WDR62: variants seen among roughly 807,000 people sequenced by gnomAD.
WDR62 encodes WD repeat-containing protein 62.
In WDR62, 112 loss-of-function variants were observed where a neutral mutation model predicts 160.6. The observed-to-expected ratio is 0.70, with a 90% confidence interval of 0.60 to 0.82. The LOEUF (loss-of-function observed/expected upper bound fraction) is 0.82, where lower values mean the gene tolerates loss of function less well. WDR62 is among the 40% of genes least tolerant of loss of function. WDR62 has a pLI of 0.00. For synonymous variants in WDR62, 792 were observed against 815.1 expected (o/e 0.97, Z 0.48); for missense variants, 1,819 against 1,983.8 (o/e 0.92, Z 1.58).
At chr19:36,101,019 T>G in intron 23 of WDR62, 144 bp downstream of exon 23, 1 of 1,409,716 alleles carries the variant, frequency 7.1e-7, no homozygotes. Context: ...AGCCCAGCCT[T>G]AGTTCCCTGG....
chr19:36,086,611 T>A, intron 12 of WDR62, 76 bp from the exon 13 acceptor site: 6 of 1,535,452 alleles, frequency 3.9e-6, no homozygotes, highest in Non-Finnish European at 5.3e-6. Flanking sequence ...CTGGGCAGCT[T>A]GGTCACACTG....
downstream of WDR62, among the ~76,000 whole-genome samples, chr19:36,107,942 C>G (rs144317894): frequency 1.4e-3 from 210 of 152,156 alleles, no homozygotes; most frequent in African/African-American, 4.6e-3. Context: ...ATGGGATATT[C>G]CAAAGAGTTT....
At chr19:36,078,291 G>A (rs1004768957) in intron 9 of WDR62, among the ~76,000 whole-genome samples, 1 of 151,780 alleles carries the variant, frequency 6.6e-6, no homozygotes, top group African/African-American at 2.4e-5. Flanking sequence ...GGGATTACAG[G>A]CACGCACCAC....
At chr19:36,091,118 G>A in intron 16 of WDR62, 82 bp from the exon 17 acceptor site, 3 of 1,219,632 alleles carry the variant, frequency 2.5e-6, no homozygotes, top group Non-Finnish European at 3.6e-6. Flanking sequence ...TGTGCATGCA[G>A]CACGGGGGAG....
intron 10 of WDR62, among the ~76,000 whole-genome samples, chr19:36,082,581 C>T (rs1016781128): frequency 6.6e-6 from 1 of 152,214 alleles, no homozygotes; most frequent in African/African-American, 2.4e-5. Flanking sequence ...TCCTCTGTAC[C>T]TGTGACATAC....
At chr19:36,105,130 G>T (rs937269095), downstream of WDR62, 1 of 1,448,198 alleles carries the variant, frequency 6.9e-7, no homozygotes, top group Non-Finnish European at 9.3e-7. Context: ...GTCTGTTTGG[G>T]CCTATCCACA....
intron 1 of WDR62, among the ~76,000 whole-genome samples, chr19:36,058,575 T>G (rs1970482011): frequency 6.6e-6 from 1 of 152,250 alleles, no homozygotes; most frequent in African/African-American, 2.4e-5. Context: ...ATTTGTCTCT[T>G]CCTCACCACT....
At position 36,067,355 on chromosome 19, in the gene WDR62, T is replaced by C. The variant is rs775914192; in HGVS notation, c.611T>C (p.Leu204Pro). ...AAGGTATCTTGTAGAGTCATTGCCC[T>C]CTCCTTCTCAGAGGACAGCAGCTAT... ...SNKVSCRVIALSFSEDSSYFV... is the reference protein window; with the variant it reads ...SNKVSCRVIAPSFSEDSSYFV... The change falls in exon 6 of 32, where the codon CTC (leucine) becomes CCC (proline). Residue 204 changes from leucine to proline, a missense_variant. Physicochemically the swap from Leu to Pro is moderately conservative, Grantham distance 98. Transcript: ENST00000401500. The C allele has an allele frequency of 6.2e-7, 1 of 1,614,216 alleles. No individual in the cohort carries two copies. Among genetic ancestry groups the C allele is most frequent in the Non-Finnish European group, 8.5e-7 (1 of 1,180,034 alleles).
downstream of WDR62, among the ~76,000 whole-genome samples, chr19:36,106,662 G>A (rs973000943): frequency 6.6e-6 from 1 of 152,222 alleles, no homozygotes; most frequent in Non-Finnish European, 1.5e-5. Context: ...CACGTGATCT[G>A]TGTGGAAGCA....
chr19:36,099,674 C>T, intron 22 of WDR62, 57 bp downstream of exon 22: 1 of 1,574,158 alleles, frequency 6.4e-7, no homozygotes, highest in Non-Finnish European at 8.7e-7. Context: ...GGCCCCAGGG[C>T]CTGGCGCCTT....
chr19:36,066,052 T>TG, intron 4 of WDR62, 37 bp downstream of exon 4: 4 of 1,610,384 alleles, frequency 2.5e-6, no homozygotes, highest in Non-Finnish European at 3.4e-6. Context: ...AGTCGGGGGC[T>TG]GGGGGGTCTT....
downstream of WDR62, among the ~76,000 whole-genome samples, chr19:36,108,363 C>A (rs76765303): frequency 5.5e-3 from 832 of 151,994 alleles, 10 homozygotes; most frequent in African/African-American, 0.019. Context: ...CAACTCCCCC[C>A]CTGCTTCTAC....
intron 3 of WDR62, 57 bp downstream of exon 3, chr19:36,060,087 C>T: frequency 6.5e-7 from 1 of 1,546,440 alleles, no homozygotes; most frequent in Non-Finnish European, 8.9e-7. Context: ...GCACGCCTCC[C>T]CTCCCCTACA....
chr19:36,079,050 CTG>C (rs1237366449), intron 9 of WDR62, among the ~76,000 whole-genome samples: 2 of 151,848 alleles, frequency 1.3e-5, no homozygotes, highest in Non-Finnish European at 2.9e-5. Flanking sequence ...AAGAAGAACT[CTG>C]TCTTTTCTTT....
chr19:36,101,124 G>A, intron 23 of WDR62, 90 bp from the exon 24 acceptor site: 1 of 1,294,062 alleles, frequency 7.7e-7, no homozygotes, highest in Non-Finnish European at 1.1e-6. Flanking sequence ...AGGAGCAGCG[G>A]GTACAGGTGC....
At chr19:36,099,288 C>A in intron 21 of WDR62, 111 bp from the exon 22 acceptor site, 4 of 739,342 alleles carry the variant, frequency 5.4e-6, no homozygotes, top group Non-Finnish European at 9.3e-6. Flanking sequence ...GAAGTTGTTT[C>A]TGAATGGTAT....
downstream of WDR62, among the ~76,000 whole-genome samples, chr19:36,108,863 A>AAAC (rs1326689615): frequency 9.2e-6 from 1 of 108,892 alleles, no homozygotes; most frequent in East Asian, 2.5e-4. Context: ...CAAAAAAAAA[A>AAAC]AAAAAAAAAA....
chr19:36,092,020 G>C (rs1224147321), intron 18 of WDR62, among the ~76,000 whole-genome samples: 1 of 151,778 alleles, frequency 6.6e-6, no homozygotes, highest in East Asian at 2.0e-4. Flanking sequence ...CTTAAAAATG[G>C]TGTGATGAGG....
rs1306886593 is a variant in WDR62, at chr19:36,094,285, G to A, written c.2467+121G>A. 3 of 1,293,902 alleles carry A rather than the reference G, an allele frequency of 2.3e-6. No individual in the cohort carries two copies. The East Asian group carries it at 7.2e-5, about 31-fold the overall frequency. The allele number at this position is 1,293,902 out of a possible 1,614,324, so 80.2% of individuals were successfully genotyped here. On this transcript the variant is annotated intron_variant, in intron 20 of 31. Coordinates refer to ENST00000401500, the MANE Select transcript of WDR62 (RefSeq NM_001083961.2). ...AACTCAGGAGTCGACAGGGTGCGGT[G>A]GCTGATACCTGTAATCCCAGCACTT...
Sources: gnomAD v4.1 joint callset for allele counts (sites outside exome capture counted in the v4.1 genomes callset) on GRCh38, gnomAD v4.1.1 for gene constraint, MANE v1.5 for transcripts, NCBI Gene and HGNC (gene_info 2026-07-23, HGNC 2026-07-21) for gene names.